Variants in CNTN6 observed in about 807,000 individuals in gnomAD.
CNTN6 encodes contactin 6, also known as contactin-6.
In CNTN6, 137 loss-of-function variants were observed where a neutral mutation model predicts 122.8. The observed-to-expected ratio is 1.12, with a 90% CI of 0.97 to 1.29. The LOEUF is 1.29. Among genes scored for constraint, CNTN6 ranks in the 50% most tolerant of loss-of-function variants. The pLI, the probability that CNTN6 is intolerant of heterozygous loss-of-function variation, is 0.00. For synonymous variants in CNTN6, 570 were observed against 426.0 expected, an observed-to-expected ratio of 1.34 and a Z score of -4.16; for missense variants, 1,634 against 1,223.4, an observed-to-expected ratio of 1.34 and a Z score of -5.01.
intron 11 of CNTN6, among the ~76,000 whole-genome samples, chr3:1,338,118 G>C (rs142696480): frequency 6.6e-6 from 1 of 152,100 alleles, no homozygotes; most frequent in Non-Finnish European, 1.5e-5. Context: ...CCATGTTTTC[G>C]TGACAGGTAA....
intron 4 of CNTN6, among the ~76,000 whole-genome samples, chr3:1,248,964 C>T (rs1372150368): frequency 2.0e-5 from 3 of 152,144 alleles, no homozygotes; most frequent in Non-Finnish European, 2.9e-5. Flanking sequence ...ATTTAATGTG[C>T]ACAGGAATCA....
rs2313955 is a variant in CNTN6, at chr3:1,242,774, C to T, written c.358+14781C>T. On this transcript the variant is annotated intron_variant, in intron 4 of 22. Coordinates refer to ENST00000446702, the MANE Select transcript of CNTN6 (RefSeq NM_001289080.2). ...AGCAGATAATTTGGTTAAAATATCT[C>T]GGCCTAATAAGGGAACTGGGCAGGT... 1.2e-4 allele frequency among the ~76,000 whole-genome samples: 18 copies of T among 151,976 alleles called. No individual in the cohort carries two copies. The East Asian group carries it at 2.1e-3, about 18-fold the overall frequency.
chr3:1,268,618 A>G (rs2094968821), intron 4 of CNTN6, among the ~76,000 whole-genome samples: 1 of 151,720 alleles, frequency 6.6e-6, no homozygotes, highest in Admixed American at 6.6e-5. Flanking sequence ...AAAAAAAAAA[A>G]AAAAAATACA....
At chr3:1,214,301 CTTT>C (rs34799447) in intron 2 of CNTN6, among the ~76,000 whole-genome samples, 4 of 44,026 alleles carry the variant, frequency 9.1e-5, no homozygotes, top group Non-Finnish European at 1.5e-4. Context: ...TGTTGGATGT[CTTT>C]TTTTTTTTTT....
At chr3:1,308,287 T>TTGTGTA (rs1553674828) in intron 7 of CNTN6, among the ~76,000 whole-genome samples, 2 of 144,826 alleles carry the variant, frequency 1.4e-5, no homozygotes, top group African/African-American at 2.6e-5. Context: ...ATGGGGTGTT[T>TTGTGTA]TGTGTGTGTG....
chr3:1,319,032 C>T (rs1433854714), intron 7 of CNTN6, among the ~76,000 whole-genome samples: 1 of 151,634 alleles, frequency 6.6e-6, no homozygotes, highest in African/African-American at 2.4e-5. Context: ...AAATGCTTGT[C>T]CAGTAAGACT....
chr3:1,099,978 A>G (rs1309589304), intron 1 of CNTN6, among the ~76,000 whole-genome samples: 1 of 152,196 alleles, frequency 6.6e-6, no homozygotes, highest in Non-Finnish European at 1.5e-5. Flanking sequence ...TCTTCTTCAT[A>G]AACAGGACAA....
intron 2 of CNTN6, among the ~76,000 whole-genome samples, chr3:1,165,676 T>C (rs1208091605): frequency 3.3e-5 from 5 of 152,052 alleles, no homozygotes; most frequent in Non-Finnish European, 5.9e-5. Flanking sequence ...TAGTTCTTTA[T>C]CTATATTACC....
chr3:1,186,997 A>G (rs1014326300), intron 2 of CNTN6, among the ~76,000 whole-genome samples: 2 of 152,162 alleles, frequency 1.3e-5, no homozygotes, highest in Non-Finnish European at 2.9e-5. Context: ...AATGCAGCCA[A>G]TTAGGAGAAA....
intron 2 of CNTN6, among the ~76,000 whole-genome samples, chr3:1,181,433 G>T (rs975941959): frequency 5.3e-5 from 8 of 152,052 alleles, no homozygotes; most frequent in African/African-American, 9.7e-5. Context: ...AATCTTAGGG[G>T]TTTTTTTGTT....
intron 11 of CNTN6, among the ~76,000 whole-genome samples, chr3:1,339,485 G>T (rs556802619): frequency 6.6e-6 from 1 of 152,108 alleles, no homozygotes; most frequent in Non-Finnish European, 1.5e-5. Context: ...CCACAGCTCC[G>T]GTGCAGTGGG....
intron 2 of CNTN6, among the ~76,000 whole-genome samples, chr3:1,172,471 A>G (rs1040119507): frequency 6.6e-6 from 1 of 152,220 alleles, no homozygotes; most frequent in African/African-American, 2.4e-5. Flanking sequence ...ACTTTCGAGT[A>G]AAGTTTTCTG....
chr3:1,305,884 A>G (rs1698279110), intron 7 of CNTN6, among the ~76,000 whole-genome samples: 1 of 152,144 alleles, frequency 6.6e-6, no homozygotes, highest in Non-Finnish European at 1.5e-5. Context: ...AAGTCTCACC[A>G]TGATGTTGTT....
intron 13 of CNTN6, 87 bp downstream of exon 13, chr3:1,372,561 T>C (rs1490482901): frequency 1.2e-5 from 13 of 1,110,870 alleles, no homozygotes; most frequent in Non-Finnish European, 1.7e-5. Context: ...TCTCTCCATC[T>C]TTATTTGCAT....
intron 7 of CNTN6, among the ~76,000 whole-genome samples, chr3:1,306,876 T>A (rs1012154992): frequency 5.9e-5 from 9 of 152,182 alleles, no homozygotes; most frequent in African/African-American, 2.2e-4. Flanking sequence ...AAGAATAGAT[T>A]TATCATTTTA....
intron 5 of CNTN6, among the ~76,000 whole-genome samples, chr3:1,288,815 A>G (rs187622522): frequency 1.3e-3 from 192 of 152,354 alleles, no homozygotes; most frequent in African/African-American, 4.4e-3. Flanking sequence ...GCTGTAAAAG[A>G]TGTCAAAACA....
chr3:1,259,762 T>G (rs1022650748), intron 4 of CNTN6, among the ~76,000 whole-genome samples: 1 of 152,148 alleles, frequency 6.6e-6, no homozygotes, highest in African/African-American at 2.4e-5. Flanking sequence ...ACATCAAAAT[T>G]ATTTTGAGAA....
chr3:1,115,294 G>T (rs910698207), intron 1 of CNTN6, among the ~76,000 whole-genome samples: 1 of 152,148 alleles, frequency 6.6e-6, no homozygotes, highest in African/African-American at 2.4e-5. Context: ...TGAATGTATT[G>T]CTAGGGTTAT....
At position 1,274,478 on chromosome 3, in the gene CNTN6, C is replaced by A. The variant is rs114576007; in HGVS notation, c.359-3935C>A. Among the ~76,000 whole-genome samples the A allele has an allele frequency of 5.2e-3, 798 of 152,148 alleles. 2 individuals carry two copies. Among genetic ancestry groups the A allele is most frequent in the Non-Finnish European group, 6.1e-3 (417 of 68,010 alleles). On this transcript the variant is annotated intron_variant, in intron 4 of 22. Coordinates refer to ENST00000446702, the MANE Select transcript of CNTN6 (RefSeq NM_001289080.2). ...AGGATCAGTAGAGTTTATCTTAATA[C>A]TTTTGTTATTAAATACTTTTGTTAT...
Sources: gnomAD v4.1 joint callset for allele counts (sites outside exome capture counted in the v4.1 genomes callset) on GRCh38, gnomAD v4.1.1 for gene constraint, MANE v1.5 for transcripts, NCBI Gene and HGNC (gene_info 2026-07-23, HGNC 2026-07-21) for gene names.